DPP6: variants seen among roughly 807,000 people sequenced by gnomAD.
DPP6 encodes A-type potassium channel modulatory protein DPP6.
In DPP6, 69 loss-of-function variants were observed where a neutral mutation model predicts 122.6. That is an observed-to-expected ratio of 0.56 (90% CI 0.46 to 0.69). The LOEUF (loss-of-function observed/expected upper bound fraction) is 0.69. Ranked by LOEUF, DPP6 falls within the 30% of genes least tolerant of loss-of-function variation. DPP6 has a pLI of 0.00. For synonymous variants in DPP6, 418 were observed against 433.1 expected (o/e 0.97, Z 0.43); for missense variants, 928 against 1,116.9 (o/e 0.83, Z 2.41).
In DPP6 at chr7:154,279,190, C is replaced by T. The variant is rs189801375; in HGVS notation, c.244-167024C>T. On this transcript the variant is annotated intron_variant, in intron 1 of 25. Transcript: ENST00000377770. ...TGTGTGGTGTGCATATGTATATGGA[C>T]ATGTGTGAGTATGTGAGTATATGGT... Among the ~76,000 whole-genome samples the T allele has an allele frequency of 2.6e-5, 4 of 151,736 alleles. No homozygotes were observed. The East Asian group carries it at 7.7e-4, about 29-fold the overall frequency.
In DPP6 at chr7:154,566,920, A is replaced by C. The variant is rs1440952347; in HGVS notation, c.627+4A>C. On this transcript the variant is annotated splice_donor_region_variant and intron_variant, in intron 5 of 25. Coordinates refer to ENST00000377770, the MANE Select transcript of DPP6 (RefSeq NM_130797.4). ...TTTTTCATACAATGTGGAACCCGTG[A>C]GTATTATCCTTTACTGCCTACAAAA... 6.3e-7 allele frequency: 1 copy of C among 1,594,152 alleles called. No homozygotes were observed. Among genetic ancestry groups the C allele is most frequent in the Non-Finnish European group, 8.6e-7 (1 of 1,163,274 alleles).
intron 1 of DPP6, among the ~76,000 whole-genome samples, chr7:153,907,911 G>A (rs2129001669): frequency 6.6e-6 from 1 of 152,224 alleles, no homozygotes; most frequent in Admixed American, 6.5e-5. Flanking sequence ...AGAGATGTGG[G>A]ATGGAGGCAT....
chr7:154,282,211 A>G lies in DPP6; in HGVS notation c.244-164003A>G, dbSNP rs1427358253. Among the ~76,000 whole-genome samples the G allele has an allele frequency of 6.6e-6, 1 of 152,082 alleles. No homozygotes were observed. Among genetic ancestry groups the G allele is most frequent in the African/African-American group, 2.4e-5 (1 of 41,398 alleles). On this transcript the variant is annotated intron_variant, in intron 1 of 25. Coordinates refer to ENST00000377770, the MANE Select transcript of DPP6 (RefSeq NM_130797.4). The surrounding 1 kb of genome is among the most constrained non-coding windows in gnomAD (Gnocchi z 4.8). ...TATTCCATTCTCTCTGTGGCCCCAT[A>G]GAGAAGACTCCAATCTGTGGTTTTC...
At chr7:154,086,016 G>A (rs1168414300) in intron 1 of DPP6, among the ~76,000 whole-genome samples, 37 of 151,922 alleles carry the variant, frequency 2.4e-4, no homozygotes, top group African/African-American at 8.7e-4. Context: ...GTGAGCCACC[G>A]CACCCAGCCA....
chr7:154,345,666 T>C (rs1478747332), intron 1 of DPP6, among the ~76,000 whole-genome samples: 1 of 152,158 alleles, frequency 6.6e-6, no homozygotes, highest in Non-Finnish European at 1.5e-5. Context: ...CCGCCCCACA[T>C]TGGCTGAGAG....
intron 3 of DPP6, among the ~76,000 whole-genome samples, chr7:154,502,389 G>T (rs747591699): frequency 1.4e-4 from 22 of 152,134 alleles, no homozygotes; most frequent in Non-Finnish European, 2.1e-4. Flanking sequence ...ATCTCATCTT[G>T]AATTGTAATT....
chr7:154,727,197 A>C (rs1337134501), intron 7 of DPP6, among the ~76,000 whole-genome samples: 2 of 152,228 alleles, frequency 1.3e-5, no homozygotes, highest in African/African-American at 4.8e-5. Flanking sequence ...ATGATTCTGC[A>C]GGCTACATAG....
intron 8 of DPP6, among the ~76,000 whole-genome samples, chr7:154,750,486 G>C (rs774811822): frequency 6.6e-6 from 1 of 152,374 alleles, no homozygotes; most frequent in Non-Finnish European, 1.5e-5. Context: ...CAGGCACTGA[G>C]TGCGTGGGAA....
intron 1 of DPP6, among the ~76,000 whole-genome samples, chr7:154,309,104 A>G (rs1806627791): frequency 6.6e-6 from 1 of 152,230 alleles, no homozygotes; most frequent in African/African-American, 2.4e-5. Context: ...AATGTGTGAG[A>G]ATATGCCTTT....
At chr7:153,758,153 G>A in the DPP6 span, among the ~76,000 whole-genome samples, 3 of 152,278 alleles carry the variant, frequency 2.0e-5, no homozygotes, top group African/African-American at 4.8e-5. Flanking sequence ...GTGCCTTATA[G>A]TTGCTAGGCT....
chr7:154,283,407 G>A (rs569790190), intron 1 of DPP6, among the ~76,000 whole-genome samples: 65 of 152,088 alleles, frequency 4.3e-4, no homozygotes, highest in African/African-American at 1.4e-3. Flanking sequence ...GTAACTATTA[G>A]AATGCCTAGA....
rs560394661 is a variant in DPP6, at chr7:153,958,429, G to C, written c.51+70695G>C. 5.4e-4 allele frequency among the ~76,000 whole-genome samples: 82 copies of C among 152,204 alleles called. No individual in the cohort carries two copies. The Middle Eastern group carries it at 0.014, about 25-fold the overall frequency. On this transcript the variant is annotated intron_variant, in intron 1 of 25. Transcript: ENST00000404039. ...TTCTAACACGCATCCTATTCTCTTG[G>C]GCAGAGCTCAGTCACTCGACCATGC...
chr7:154,706,908 T>C (rs1225815021), intron 7 of DPP6, among the ~76,000 whole-genome samples: 2 of 152,162 alleles, frequency 1.3e-5, no homozygotes, highest in Non-Finnish European at 2.9e-5. Flanking sequence ...TTTAGAGTGG[T>C]GTTGGGGCTT....
intron 1 of DPP6, among the ~76,000 whole-genome samples, chr7:154,221,935 A>G (rs1021730844): frequency 1.3e-5 from 2 of 151,942 alleles, no homozygotes; most frequent in African/African-American, 2.4e-5. Context: ...ATTTAATTTA[A>G]TTTTCTCTAG....
chr7:154,161,093 T>C (rs1181500597), intron 1 of DPP6, among the ~76,000 whole-genome samples: 1 of 152,030 alleles, frequency 6.6e-6, no homozygotes, highest in Non-Finnish European at 1.5e-5. Flanking sequence ...CCAAAAGAAA[T>C]AGTTTTATAT....
intron 1 of DPP6, among the ~76,000 whole-genome samples, chr7:153,984,201 C>G (rs573525359): frequency 2.0e-4 from 31 of 152,176 alleles, no homozygotes; most frequent in African/African-American, 7.5e-4. Flanking sequence ...CAATTTATCT[C>G]AATTGTTAGG....
At chr7:154,596,205 C>A (rs749753629) in intron 5 of DPP6, among the ~76,000 whole-genome samples, 1 of 152,200 alleles carries the variant, frequency 6.6e-6, no homozygotes, top group African/African-American at 2.4e-5. Context: ...TCATTTCAGT[C>A]ATGAAAAAGA....
At chr7:153,988,919 C>T (rs1302525824) in intron 1 of DPP6, among the ~76,000 whole-genome samples, 1 of 149,284 alleles carries the variant, frequency 6.7e-6, no homozygotes, top group Non-Finnish European at 1.5e-5. Context: ...CGGGCCAGCG[C>T]GCCGGGAGTG....
At chr7:154,426,865 A>G (rs924733286) in intron 1 of DPP6, among the ~76,000 whole-genome samples, 2 of 151,846 alleles carry the variant, frequency 1.3e-5, no homozygotes, top group Admixed American at 1.3e-4. Flanking sequence ...GTTTGTATGC[A>G]CAGAACACAA....
Sources: gnomAD v4.1 joint callset for allele counts (sites outside exome capture counted in the v4.1 genomes callset) on GRCh38, gnomAD v4.1.1 for gene constraint, Gnocchi (gnomAD v3.1) non-coding constraint, MANE v1.5 for transcripts, NCBI Gene and HGNC (gene_info 2026-07-23, HGNC 2026-07-21) for gene names.